The following GPLD1 variants were observed in gnomAD, a reference collection of about 807,000 sequenced individuals.
GPLD1 encodes glycosylphosphatidylinositol specific phospholipase D1, also known as phosphatidylinositol-glycan-specific phospholipase D.
Under a neutral mutation model 112.6 loss-of-function variants are expected in GPLD1, and 84 were observed. The observed-to-expected ratio is 0.75, with a 90% CI of 0.63 to 0.89. GPLD1 has a LOEUF of 0.89. Ranked by LOEUF, GPLD1 falls within the 40% of genes least tolerant of loss-of-function variation. The probability of loss-of-function intolerance (pLI) is 0.00; values close to 1 mark genes in which losing one functional copy is unlikely to be tolerated. For missense variants in GPLD1, 1,044 were observed against 1,051.5 expected (o/e 0.99, Z 0.10); for synonymous variants, 386 against 403.8 (o/e 0.96, Z 0.53).
chr6:24,434,623 G>A (rs1348935399), intron 22 of GPLD1, among the ~76,000 whole-genome samples: 3 of 151,816 alleles, frequency 2.0e-5, no homozygotes, highest in Non-Finnish European at 4.4e-5. Flanking sequence ...GGATCACGAG[G>A]TCAGGAGATC....
chr6:24,477,809 A>C (rs894739241), intron 3 of GPLD1, among the ~76,000 whole-genome samples: 1 of 152,238 alleles, frequency 6.6e-6, no homozygotes. Flanking sequence ...AGTGCTTTGG[A>C]AAGATGCAAT....
In GPLD1 at chr6:24,427,341, C is replaced by A. The variant is rs942573051; in HGVS notation, c.*1691G>T. 3.3e-5 allele frequency among the ~76,000 whole-genome samples: 5 copies of A among 152,196 alleles called. No homozygotes were observed. Among genetic ancestry groups the A allele is most frequent in the African/African-American group, 1.2e-4 (5 of 41,456 alleles). ...CAGTAGCGTGTGGCTCAGGCCACAT[C>A]TTTTCCCTCTAGTTCTTTTGGCACA... On this transcript the variant is annotated 3_prime_UTR_variant, in exon 25 of 25. Coordinates refer to ENST00000230036, the MANE Select transcript of GPLD1 (RefSeq NM_001503.4).
At chr6:24,437,333 C>T (rs1342294837) in intron 20 of GPLD1, 44 bp from the exon 21 acceptor site, 8 of 1,562,748 alleles carry the variant, frequency 5.1e-6, no homozygotes, top group Non-Finnish European at 7.0e-6. Flanking sequence ...GAAAGGAAGG[C>T]ATTACAGAAC....
At chr6:24,462,629 C>A (rs1047276538) in intron 11 of GPLD1, 101 bp downstream of exon 11, 8 of 742,148 alleles carry the variant, frequency 1.1e-5, no homozygotes, top group Non-Finnish European at 1.7e-5. Context: ...GAATTTGAAC[C>A]TACAGCTGTC....
rs969692117 is a variant in GPLD1 at position 24,472,595 on chromosome 6, G to A, written c.532C>T (p.Leu178Phe). ...LSQFEFNFNY[L>F]ARRWYVPVKD... ...CATTGCTCTTACCAGCGTCGTGCAA[G>A]GTAATTAAAATTAAATTCAAACTGG... The change falls in exon 7 of 25, where the codon CTT (leucine) becomes TTT (phenylalanine). Residue 178 changes from leucine to phenylalanine, a missense_variant. Leu to Phe is a conservative substitution (Grantham distance 22, BLOSUM62 0). Transcript: ENST00000230036. 2 of 1,592,392 alleles carry A rather than the reference G, an allele frequency of 1.3e-6. No individual in the cohort carries two copies. Among genetic ancestry groups the A allele is most frequent in the Non-Finnish European group, 1.7e-6 (2 of 1,160,350 alleles).
At chr6:24,460,494 A>T in intron 11 of GPLD1, 95 bp from the exon 12 acceptor site, 5 of 1,287,416 alleles carry the variant, frequency 3.9e-6, no homozygotes, top group Non-Finnish European at 4.3e-6. Flanking sequence ...ATCACAGGTT[A>T]AAAGACCACA....
chr6:24,448,389 C>G (rs935166991), intron 15 of GPLD1, among the ~76,000 whole-genome samples, 181 bp from the exon 16 acceptor site: 3 of 139,690 alleles, frequency 2.1e-5, no homozygotes, highest in South Asian at 2.3e-4. Flanking sequence ...AGAGCAGCCT[C>G]GAAAACACAG....
At chr6:24,448,484 T>C (rs1762983013) in intron 15 of GPLD1, among the ~76,000 whole-genome samples, 1 of 152,078 alleles carries the variant, frequency 6.6e-6, no homozygotes. Flanking sequence ...GGGAGCTTAA[T>C]GACAGACAGA....
chr6:24,435,511 A>G (rs1762541624), intron 22 of GPLD1, among the ~76,000 whole-genome samples: 1 of 152,114 alleles, frequency 6.6e-6, no homozygotes, highest in Non-Finnish European at 1.5e-5. Context: ...TATTTTCTAA[A>G]ATTTCCATAA....
intron 24 of GPLD1, among the ~76,000 whole-genome samples, chr6:24,432,979 A>G (rs1237099949): frequency 6.6e-6 from 1 of 152,196 alleles, no homozygotes; most frequent in African/African-American, 2.4e-5. Context: ...CTTGGCCCCA[A>G]CCCCTGCTGT....
At chr6:24,487,328 TA>T (rs1764411115) in intron 1 of GPLD1, among the ~76,000 whole-genome samples, 1 of 151,114 alleles carries the variant, frequency 6.6e-6, no homozygotes, top group Admixed American at 6.6e-5. Flanking sequence ...TATTAGTAAA[TA>T]AATGATGGAG....
chr6:24,454,087 G>C lies in GPLD1; in HGVS notation c.1263C>G (p.Gly421=). The C allele has an allele frequency of 2.5e-6, 4 of 1,614,000 alleles. No homozygotes were observed. Among genetic ancestry groups the C allele is most frequent in the Non-Finnish European group, 3.4e-6 (4 of 1,179,862 alleles). Residue 421 remains glycine (G), a synonymous_variant, in exon 14 of 25, where the codon GGC becomes GGG. Coordinates refer to ENST00000230036, the MANE Select transcript of GPLD1 (RefSeq NM_001503.4). ...CAACAGGTGGCAGGCCCAGGTCATT[G>C]CCGTAGATGAGGTACACGCGCCCGA... ...IHIGRVYLIY[G]NDLGLPPVDL... is the part of the protein sequence containing the mutation.
chr6:24,460,408 G>A lies in GPLD1; in HGVS notation c.888-9C>T. On this transcript the variant is annotated splice_polypyrimidine_tract_variant and intron_variant, in intron 11 of 24. Transcript: ENST00000230036. Reference sequence around the variant, plus strand: ...TTTTCTGCATTTTTGAGCTGTTGAAGAGAAAGAGGAATAAACTGGTTACGA... The same window carrying A: ...TTTTCTGCATTTTTGAGCTGTTGAAAAGAAAGAGGAATAAACTGGTTACGA... 3 of 1,613,110 alleles carry A rather than the reference G, an allele frequency of 1.9e-6. No homozygotes were observed. The highest frequency in any genetic ancestry group is 2.2e-5 in the East Asian group (1 of 44,858).
chr6:24,432,269 G>GGT (rs1029412801), intron 24 of GPLD1, among the ~76,000 whole-genome samples: 11 of 94,346 alleles, frequency 1.2e-4, no homozygotes, highest in South Asian at 3.1e-4. Context: ...AAAAAAAAAA[G>GGT]GTGTGTGTGT....
chr6:24,431,642 C>A (rs557408394), intron 24 of GPLD1, among the ~76,000 whole-genome samples: 13 of 151,506 alleles, frequency 8.6e-5, no homozygotes, highest in Non-Finnish European at 1.8e-4. Flanking sequence ...TCAAGCGATT[C>A]TCCTGCCTCA....
At chr6:24,477,702 C>T (rs1005753502) in intron 3 of GPLD1, among the ~76,000 whole-genome samples, 3 of 152,070 alleles carry the variant, frequency 2.0e-5, no homozygotes, top group Admixed American at 6.6e-5. Context: ...TGCACCCCAG[C>T]CTGGGCAACA....
At chr6:24,490,481 C>T (rs143081445), upstream of GPLD1, among the ~76,000 whole-genome samples, 86 of 152,202 alleles carry the variant, frequency 5.7e-4, no homozygotes, top group East Asian at 0.014. Context: ...CTGGGCGTGG[C>T]GGCCCACACC....
At chr6:24,441,666 G>A (rs577902688) in intron 20 of GPLD1, among the ~76,000 whole-genome samples, 41 of 152,332 alleles carry the variant, frequency 2.7e-4, no homozygotes, top group South Asian at 6.2e-4. Flanking sequence ...GTACAGTGCC[G>A]AGAGAAGCTA....
chr6:24,481,338 CCG>C (rs982021539), intron 2 of GPLD1, among the ~76,000 whole-genome samples: 4 of 142,966 alleles, frequency 2.8e-5, no homozygotes, highest in African/African-American at 1.2e-4. Flanking sequence ...TGGCAATATC[CCG>C]CCCTTTTTTT....
Sources: gnomAD v4.1 joint callset for allele counts (sites outside exome capture counted in the v4.1 genomes callset) on GRCh38, gnomAD v4.1.1 for gene constraint, MANE v1.5 for transcripts, NCBI Gene and HGNC (gene_info 2026-07-23, HGNC 2026-07-21) for gene names.